SCHIP1: variants seen among roughly 807,000 people sequenced by gnomAD.
SCHIP1 encodes the protein schwannomin-interacting protein 1.
SCHIP1 carries 8 observed loss-of-function variants against 29.7 expected under a neutral mutation model. The observed-to-expected ratio is 0.27, with a 90% CI of 0.16 to 0.49. SCHIP1 has a LOEUF of 0.49. Among genes scored for constraint, SCHIP1 ranks in the 20% least tolerant of loss-of-function variants. The pLI, the probability that SCHIP1 is intolerant of heterozygous loss-of-function variation, is 0.99. For synonymous variants in SCHIP1, 76 were observed against 94.9 expected, an observed-to-expected ratio of 0.80 and a Z score of 1.16; for missense variants, 193 against 294.6, an observed-to-expected ratio of 0.66 and a Z score of 2.52.
the SCHIP1 span, among the ~76,000 whole-genome samples, chr3:159,609,101 A>T: frequency 6.6e-6 from 1 of 152,340 alleles, no homozygotes; most frequent in African/African-American, 2.4e-5. Flanking sequence ...ATGCATCCAT[A>T]AACAAAGTTC....
At chr3:159,445,598 T>G in the SCHIP1 span, among the ~76,000 whole-genome samples, 5 of 152,114 alleles carry the variant, frequency 3.3e-5, no homozygotes, top group Non-Finnish European at 2.9e-5. Flanking sequence ...TGCAGCACTA[T>G]TCACAATAGC....
chr3:159,361,222 G>A, the SCHIP1 span, among the ~76,000 whole-genome samples: 27 of 152,352 alleles, frequency 1.8e-4, no homozygotes, highest in African/African-American at 6.3e-4. Flanking sequence ...ATAAGAGAGT[G>A]CTACAGGATG....
the SCHIP1 span, among the ~76,000 whole-genome samples, chr3:159,658,456 G>A: frequency 3.3e-5 from 5 of 152,128 alleles, no homozygotes; most frequent in Admixed American, 1.3e-4. Context: ...ATTAAAGTTC[G>A]AGAACCTGAG....
chr3:159,318,827 G>A, the SCHIP1 span, among the ~76,000 whole-genome samples: 1 of 152,162 alleles, frequency 6.6e-6, no homozygotes, highest in South Asian at 2.1e-4. Flanking sequence ...GGGTCATAAA[G>A]CACCCAGTTC....
intron 1 of SCHIP1, among the ~76,000 whole-genome samples, chr3:159,864,378 G>C (rs181054228): frequency 1.3e-5 from 2 of 151,224 alleles, no homozygotes; most frequent in African/African-American, 4.9e-5. Context: ...GTGCTAGCCC[G>C]GCAAAAAATA....
At chr3:159,649,709 AT>A in the SCHIP1 span, among the ~76,000 whole-genome samples, 1 of 152,220 alleles carries the variant, frequency 6.6e-6, no homozygotes, top group Non-Finnish European at 1.5e-5. Flanking sequence ...ACTACATCAT[AT>A]GGAAGATTGA....
At chr3:159,889,573 G>A (rs549250421) in intron 5 of SCHIP1, among the ~76,000 whole-genome samples, 11 of 152,288 alleles carry the variant, frequency 7.2e-5, no homozygotes, top group African/African-American at 2.4e-4. Context: ...TGGTTAAGCC[G>A]ATAAATTCAC....
the SCHIP1 span, among the ~76,000 whole-genome samples, chr3:159,602,259 C>G: frequency 2.6e-5 from 4 of 152,164 alleles, no homozygotes; most frequent in Non-Finnish European, 5.9e-5. Flanking sequence ...GTGTTTCCCA[C>G]GAGTTTTTTG....
At chr3:159,692,122 G>A in the SCHIP1 span, among the ~76,000 whole-genome samples, 3 of 146,150 alleles carry the variant, frequency 2.1e-5, no homozygotes, top group East Asian at 2.1e-4. Flanking sequence ...TCCGCTTCCC[G>A]GTAACCCGAC....
At chr3:159,769,362 C>T in the SCHIP1 span, among the ~76,000 whole-genome samples, 1 of 152,206 alleles carries the variant, frequency 6.6e-6, no homozygotes, top group African/African-American at 2.4e-5. Context: ...GTGTTTGTCC[C>T]TGAGGCTTCC....
the SCHIP1 span, among the ~76,000 whole-genome samples, chr3:159,697,773 C>A: frequency 6.6e-6 from 1 of 151,608 alleles, no homozygotes. Flanking sequence ...AAAGTTGGGC[C>A]GAATAATAAC....
At chr3:159,754,525 A>C in the SCHIP1 span, among the ~76,000 whole-genome samples, 1 of 152,228 alleles carries the variant, frequency 6.6e-6, no homozygotes, top group African/African-American at 2.4e-5. Context: ...CTTACAAAAC[A>C]ATGCCAAATC....
chr3:159,744,942 A>G, the SCHIP1 span, among the ~76,000 whole-genome samples: 1 of 152,020 alleles, frequency 6.6e-6, no homozygotes, highest in African/African-American at 2.4e-5. Flanking sequence ...AGATTGCGCC[A>G]CTGCACTCCA....
chr3:159,887,575 A>T (rs540412257), intron 3 of SCHIP1, 133 bp from the exon 5 acceptor site: 3 of 930,708 alleles, frequency 3.2e-6, no homozygotes, highest in African/African-American at 1.7e-5. Context: ...TATCAACTCA[A>T]GTAGCAAGTC....
the SCHIP1 span, among the ~76,000 whole-genome samples, chr3:159,720,227 G>A: frequency 3.8e-5 from 5 of 133,148 alleles, no homozygotes; most frequent in East Asian, 5.1e-4. Flanking sequence ...GGGGCCTATC[G>A]TGGGGTGGGG....
intron 2 of SCHIP1, among the ~76,000 whole-genome samples, chr3:159,877,394 T>G (rs1715936967): frequency 6.6e-6 from 1 of 152,158 alleles, no homozygotes; most frequent in South Asian, 2.1e-4. Flanking sequence ...TAACCATGCT[T>G]CATAGAATCA....
chr3:159,836,507 A>C (rs929633879), upstream of SCHIP1, among the ~76,000 whole-genome samples: 1 of 152,326 alleles, frequency 6.6e-6, no homozygotes, highest in Middle Eastern at 3.4e-3. Context: ...ATTGTTTTCT[A>C]TGGAACACAC....
chr3:159,592,722 G>A, the SCHIP1 span, among the ~76,000 whole-genome samples: 8 of 151,914 alleles, frequency 5.3e-5, no homozygotes, highest in East Asian at 1.4e-3. Context: ...ATATAACACT[G>A]TGTACAGACA....
At chr3:159,363,282 A>G in the SCHIP1 span, among the ~76,000 whole-genome samples, 1 of 152,224 alleles carries the variant, frequency 6.6e-6, no homozygotes, top group Non-Finnish European at 1.5e-5. Flanking sequence ...AGTTATTTTT[A>G]TGTTGTATGT....
Sources: allele counts gnomAD v4.1 joint callset (sites outside exome capture counted in the v4.1 genomes callset), GRCh38; gene constraint gnomAD v4.1.1; transcripts MANE v1.5; gene names NCBI Gene and HGNC (gene_info 2026-07-23, HGNC 2026-07-21).